ZNF516: variants seen among roughly 807,000 people sequenced by gnomAD.
The protein encoded by ZNF516 is zinc finger protein 516.
Under a neutral mutation model 79.7 loss-of-function variants are expected in ZNF516, and 19 were observed. The observed-to-expected ratio is 0.24, with a 90% CI of 0.17 to 0.35. The LOEUF (loss-of-function observed/expected upper bound fraction) is 0.35. Ranked by LOEUF, ZNF516 falls within the 10% of genes least tolerant of loss-of-function variation. The pLI, the probability that ZNF516 is intolerant of heterozygous loss-of-function variation, is 1.00. For missense variants in ZNF516, 1,678 were observed against 1,679.5 expected (o/e 1.00, Z 0.02); for synonymous variants, 877 against 739.5 (o/e 1.19, Z -3.02).
chr18:76,415,648 T>C (rs1262565716), intron 3 of ZNF516, among the ~76,000 whole-genome samples: 3 of 152,122 alleles, frequency 2.0e-5, no homozygotes, highest in Non-Finnish European at 4.4e-5. Context: ...AGAGCCTGTT[T>C]TGCTGTTTGA....
At chr18:76,475,411 G>T (rs1217220130) in intron 1 of ZNF516, among the ~76,000 whole-genome samples, 1 of 152,170 alleles carries the variant, frequency 6.6e-6, no homozygotes, top group Non-Finnish European at 1.5e-5. Flanking sequence ...ACGTAAAATG[G>T]TACTTTATCT....
rs536358247 is a variant in ZNF516 at position 76,367,664 on chromosome 18, G to A, written c.3432+2864C>T. 2.0e-5 allele frequency among the ~76,000 whole-genome samples: 3 copies of A among 152,226 alleles called. No individual in the cohort carries two copies. In the East Asian group the frequency reaches 5.8e-4, roughly 29 times the overall value. On this transcript the variant is annotated intron_variant, in intron 6 of 6. Coordinates refer to ENST00000443185, the MANE Select transcript of ZNF516 (RefSeq NM_014643.4). ...CAAGCGCCTCCAGCCTCAATGACAG[G>A]GCCCTTCCCATGTCACAGCGCTGCC...
chr18:76,472,416 C>T (rs1433141666), intron 1 of ZNF516, among the ~76,000 whole-genome samples: 1 of 152,144 alleles, frequency 6.6e-6, no homozygotes, highest in African/African-American at 2.4e-5. Flanking sequence ...CAAACGTGCA[C>T]CTATACACAG....
At position 76,441,960 on chromosome 18, in the gene ZNF516, C is replaced by G. The variant is rs371879967; in HGVS notation, c.1095G>C (p.Thr365=). 47 of 1,612,246 alleles carry G rather than the reference C, an allele frequency of 2.9e-5. No homozygotes were observed. The highest frequency in any genetic ancestry group is 4.0e-5 in the African/African-American group (3 of 74,928). The change falls in exon 3 of 7, where the codon ACG becomes ACC. Residue 365 remains threonine (T), a synonymous_variant. Transcript: ENST00000443185. ...AIHRRVEASR[T]RAPAEEGAEG... Reference sequence around the variant, plus strand: ...CCGCCCCCTCCTCGGCCGGGGCGCGCGTGCGGCTGGCCTCGACTCTGCGGT... The same window carrying G: ...CCGCCCCCTCCTCGGCCGGGGCGCGGGTGCGGCTGGCCTCGACTCTGCGGT...
intron 3 of ZNF516, among the ~76,000 whole-genome samples, chr18:76,396,840 T>C (rs1254400587): frequency 1.3e-5 from 2 of 152,136 alleles, no homozygotes; most frequent in Non-Finnish European, 2.9e-5. Context: ...TGTTTTTGGA[T>C]ATGATGTAGA....
intron 4 of ZNF516, 92 bp downstream of exon 4, chr18:76,378,763 A>G (rs2074832044): frequency 6.7e-7 from 1 of 1,492,732 alleles, no homozygotes; most frequent in Non-Finnish European, 8.9e-7. Flanking sequence ...CCTCAGGGAC[A>G]TGGACAGGCA....
intron 2 of ZNF516, among the ~76,000 whole-genome samples, chr18:76,456,211 A>C (rs1046698214): frequency 1.1e-4 from 16 of 152,246 alleles, no homozygotes; most frequent in Non-Finnish European, 8.8e-5. Context: ...TTGGCAGCTT[A>C]AACTGCTCAA....
At chr18:76,436,714 C>T (rs541405327) in intron 3 of ZNF516, among the ~76,000 whole-genome samples, 1 of 152,208 alleles carries the variant, frequency 6.6e-6, no homozygotes, top group South Asian at 2.1e-4. Flanking sequence ...CAGCTCACCC[C>T]CTCATTCCAT....
At chr18:76,480,159 T>TAAA (rs539724418) in intron 1 of ZNF516, among the ~76,000 whole-genome samples, 2 of 109,180 alleles carry the variant, frequency 1.8e-5, no homozygotes, top group Admixed American at 9.7e-5. Context: ...AGATTTTGTG[T>TAAA]AAAAAAAAAA....
rs1209373929 is a variant in ZNF516 at position 76,441,564 on chromosome 18, C to T, written c.1491G>A (p.Ser497=). 11 of 1,487,868 alleles carry T rather than the reference C, an allele frequency of 7.4e-6. No individual in the cohort carries two copies. The highest frequency in any genetic ancestry group is 8.9e-6 in the Non-Finnish European group (10 of 1,124,112). 92.2% of individuals were successfully genotyped at this position (1,487,868 alleles called of 1,614,324 possible). The change falls in exon 3 of 7, where the codon TCG becomes TCA. Residue 497 remains serine (S), a synonymous_variant. Coordinates refer to ENST00000443185, the MANE Select transcript of ZNF516 (RefSeq NM_014643.4). ...PAPAGHLDPR[S]AARPNRRAAA... is the part of the protein sequence containing the mutation. ...CGGCCCTGCGGTTGGGGCGCGCGGC[C>T]GAGCGGGGATCGAGGTGGCCGGCGG...
chr18:76,395,705 GA>G (rs1323762327), intron 3 of ZNF516, among the ~76,000 whole-genome samples: 1 of 151,800 alleles, frequency 6.6e-6, no homozygotes, highest in Non-Finnish European at 1.5e-5. Flanking sequence ...CATTCTAGAT[GA>G]GGGAGTCTCT....
At chr18:76,425,794 C>T (rs2075585594) in intron 3 of ZNF516, among the ~76,000 whole-genome samples, 1 of 152,200 alleles carries the variant, frequency 6.6e-6, no homozygotes, top group Non-Finnish European at 1.5e-5. Flanking sequence ...ACTCAAGTCA[C>T]TGACAACCCA....
intron 2 of ZNF516, among the ~76,000 whole-genome samples, chr18:76,461,184 AAAAT>A (rs930242113): frequency 4.6e-5 from 7 of 152,196 alleles, no homozygotes; most frequent in African/African-American, 1.4e-4. Flanking sequence ...TCCATCTCAA[AAAAT>A]AAATAAATAA....
intron 1 of ZNF516, among the ~76,000 whole-genome samples, chr18:76,473,995 C>T (rs1245526974): frequency 2.0e-5 from 3 of 151,474 alleles, no homozygotes; most frequent in African/African-American, 7.3e-5. Flanking sequence ...ATCCTCCTGC[C>T]TCAGCCTCCC....
chr18:76,400,969 C>CA (rs201321304), intron 3 of ZNF516, among the ~76,000 whole-genome samples: 1 of 152,006 alleles, frequency 6.6e-6, no homozygotes, highest in Admixed American at 6.6e-5. Flanking sequence ...GATGTAAACA[C>CA]AATATATATA....
chr18:76,457,662 AGCCATGATCAT>A (rs1912811917), intron 2 of ZNF516, among the ~76,000 whole-genome samples: 1 of 152,216 alleles, frequency 6.6e-6, no homozygotes, highest in Non-Finnish European at 1.5e-5. Context: ...GGCTGCAGTG[AGCCATGATCAT>A]GCCACTGCAC....
chr18:76,412,554 C>A (rs1431841685), intron 3 of ZNF516, among the ~76,000 whole-genome samples: 1 of 152,156 alleles, frequency 6.6e-6, no homozygotes, highest in East Asian at 1.9e-4. Flanking sequence ...AAGACAATGG[C>A]CATGGAGACT....
At chr18:76,482,497 G>T (rs1055625209) in intron 1 of ZNF516, among the ~76,000 whole-genome samples, 1 of 152,196 alleles carries the variant, frequency 6.6e-6, no homozygotes, top group African/African-American at 2.4e-5. Flanking sequence ...GTACTTCATG[G>T]CAACCTGCAC....
At chr18:76,496,196 A>T, upstream of ZNF516, 1 of 1,168,056 alleles carries the variant, frequency 8.6e-7, no homozygotes, top group Non-Finnish European at 1.1e-6. Context: ...GGAGCTAGCG[A>T]GGGCGAGCGC....
Sources: gnomAD v4.1 joint callset for allele counts (sites outside exome capture counted in the v4.1 genomes callset) on GRCh38, gnomAD v4.1.1 for gene constraint, MANE v1.5 for transcripts, NCBI Gene and HGNC (gene_info 2026-07-23, HGNC 2026-07-21) for gene names.